Variants in EFCAB13 observed in about 807,000 individuals in gnomAD.
EFCAB13 encodes the protein EF-hand calcium-binding domain-containing protein 13.
EFCAB13 carries 91 observed loss-of-function variants against 110.2 expected under a neutral mutation model. That is an observed-to-expected ratio of 0.83 (90% CI 0.70 to 0.98). EFCAB13 has a LOEUF of 0.98. EFCAB13 is among the 50% of genes least tolerant of loss of function. The pLI is 0.00. For missense variants in EFCAB13, 968 were observed against 1,119.4 expected, an observed-to-expected ratio of 0.86 and a Z score of 1.93; for synonymous variants, 323 against 369.9, an observed-to-expected ratio of 0.87 and a Z score of 1.45.
intron 9 of EFCAB13, among the ~76,000 whole-genome samples, chr17:47,356,911 T>C (rs1380189880): frequency 6.6e-6 from 1 of 152,188 alleles, no homozygotes; most frequent in Non-Finnish European, 1.5e-5. Flanking sequence ...CTGCAGCTGC[T>C]GTCGGGGTGA....
intron 20 of EFCAB13, among the ~76,000 whole-genome samples, chr17:47,406,157 G>A (rs1448300038): frequency 2.0e-5 from 3 of 151,962 alleles, no homozygotes; most frequent in East Asian, 1.9e-4. Flanking sequence ...CTGTCGCCTC[G>A]GCTGGAGTGC....
intron 13 of EFCAB13, among the ~76,000 whole-genome samples, chr17:47,378,304 G>C (rs2292343): frequency 0.088 from 13,351 of 152,172 alleles, 842 homozygotes; most frequent in East Asian, 0.35. Context: ...CAAAATACGG[G>C]GGAATTTAGA....
At chr17:47,369,419 A>T (rs993632928) in intron 10 of EFCAB13, among the ~76,000 whole-genome samples, 1 of 152,198 alleles carries the variant, frequency 6.6e-6, no homozygotes. Context: ...GATGTTCAAC[A>T]TCACTTTACT....
At position 47,329,241 on chromosome 17, in the gene EFCAB13, G is replaced by C. The variant is rs367641208; in HGVS notation, c.30+858G>C. On this transcript the variant is annotated intron_variant, in intron 4 of 24. Transcript: ENST00000331493. Reference sequence around the variant, plus strand: ...GGGGGCATTCCAGAGTCTTACCTAAGTCATATGGGGAGGAGTGGTTTGCAG... The same window carrying C: ...GGGGGCATTCCAGAGTCTTACCTAACTCATATGGGGAGGAGTGGTTTGCAG... 3.1e-4 allele frequency among the ~76,000 whole-genome samples: 47 copies of C among 152,074 alleles called. No homozygotes were observed. In the East Asian group the frequency reaches 7.7e-3, roughly 25 times the overall value.
chr17:47,390,886 T>A (rs2065702673), intron 14 of EFCAB13, among the ~76,000 whole-genome samples: 2 of 150,520 alleles, frequency 1.3e-5, no homozygotes, highest in South Asian at 4.2e-4. Flanking sequence ...TATAGTAGAA[T>A]AATATATATG....
intron 9 of EFCAB13, among the ~76,000 whole-genome samples, chr17:47,348,482 A>G (rs994197503): frequency 6.6e-6 from 1 of 152,064 alleles, no homozygotes; most frequent in African/African-American, 2.4e-5. Flanking sequence ...TGTTTAAAAA[A>G]CTTTAGTAAA....
intron 7 of EFCAB13, 137 bp from the exon 8 acceptor site, chr17:47,344,879 T>C: frequency 1.5e-6 from 1 of 674,314 alleles, no homozygotes; most frequent in South Asian, 1.7e-5. Flanking sequence ...GTGAAGAATA[T>C]GGAATTTTCC....
chr17:47,386,067 G>A (rs537308902), intron 14 of EFCAB13, among the ~76,000 whole-genome samples: 188 of 152,268 alleles, frequency 1.2e-3, no homozygotes, highest in African/African-American at 4.4e-3. Flanking sequence ...TCTGACAATC[G>A]CTGTTGGGAG....
chr17:47,405,025 A>C (rs1567801073), intron 20 of EFCAB13, among the ~76,000 whole-genome samples: 1 of 152,116 alleles, frequency 6.6e-6, no homozygotes, highest in Admixed American at 6.5e-5. Context: ...AGCTTTGGTA[A>C]ATATCCTTTT....
chr17:47,363,126 C>T lies in EFCAB13; in HGVS notation c.805+1605C>T, dbSNP rs117270384. ...TCACTCTGTTGCCCAGGCTGTAGTG[C>T]GGTGTTGTGATCATAGCTTGCTGTA... On this transcript the variant is annotated intron_variant, in intron 10 of 24. Coordinates refer to ENST00000331493, the MANE Select transcript of EFCAB13 (RefSeq NM_152347.5). Among the ~76,000 whole-genome samples the T allele has an allele frequency of 3.0e-3, 458 of 152,238 alleles. 4 individuals carry two copies. Among genetic ancestry groups the T allele is most frequent in the East Asian group, 0.017 (89 of 5,178 alleles).
chr17:47,333,496 C>G (rs376702441), intron 4 of EFCAB13, among the ~76,000 whole-genome samples: 2 of 152,052 alleles, frequency 1.3e-5, no homozygotes, highest in African/African-American at 2.4e-5. Context: ...AGAGTCTTAT[C>G]CAACAAATCA....
rs1904754885 is a variant in EFCAB13, at chr17:47,422,452, T to C, written c.2495-7366T>C. On this transcript the variant is annotated intron_variant, in intron 23 of 24. Coordinates refer to ENST00000331493, the MANE Select transcript of EFCAB13 (RefSeq NM_152347.5). ...AGGGAAGAAATAGAATTTCCATTAC[T>C]CATTGCCAATATAATTAATAGGTAG... Among the ~76,000 whole-genome samples, 3 of 152,300 alleles carry C rather than the reference T, an allele frequency of 2.0e-5. No homozygotes were observed. In the South Asian group the frequency reaches 6.2e-4, roughly 32 times the overall value.
rs555548914 is a variant in EFCAB13, at chr17:47,380,129, G to A, written c.1582+876G>A. ...AAGTTCTGGGATACATGTGCAGAAC[G>A]TGCAGGTTTGTTACATAGGTATACA... is the stretch of plus-strand genomic sequence containing the variant. On this transcript the variant is annotated intron_variant, in intron 14 of 24. Coordinates refer to ENST00000331493, the MANE Select transcript of EFCAB13 (RefSeq NM_152347.5). Among the ~76,000 whole-genome samples, 258 of 152,218 alleles carry A rather than the reference G, an allele frequency of 1.7e-3. 1 individual carries two copies. The highest frequency in any genetic ancestry group is 3.1e-3 in the Non-Finnish European group (214 of 68,006).
intron 9 of EFCAB13, among the ~76,000 whole-genome samples, chr17:47,350,585 T>G (rs78845722): frequency 0.042 from 6,393 of 150,686 alleles, 190 homozygotes; most frequent in Middle Eastern, 0.15. Flanking sequence ...ACGCCTTTGT[T>G]TGTGTGTGTG....
At chr17:47,378,996 T>C (rs3736440) in intron 13 of EFCAB13, among the ~76,000 whole-genome samples, 186 bp from the exon 14 acceptor site, 13,373 of 152,260 alleles carry the variant, frequency 0.088, 848 homozygotes, top group East Asian at 0.35. Flanking sequence ...GGCACTAATA[T>C]GCTCTCAATA....
chr17:47,371,722 T>C (rs2065585937), intron 11 of EFCAB13, among the ~76,000 whole-genome samples: 1 of 152,258 alleles, frequency 6.6e-6, no homozygotes, highest in African/African-American at 2.4e-5. Flanking sequence ...CAAGCGATTC[T>C]CCTGCCTCAG....
intron 10 of EFCAB13, among the ~76,000 whole-genome samples, chr17:47,363,867 T>G (rs966019842): frequency 6.6e-6 from 1 of 152,130 alleles, no homozygotes; most frequent in Non-Finnish European, 1.5e-5. Context: ...TCTTAGGAAG[T>G]CAGGTATGGT....
intron 19 of EFCAB13, 105 bp downstream of exon 19, chr17:47,404,126 A>G (rs2065793109): frequency 1.1e-6 from 1 of 896,126 alleles, no homozygotes; most frequent in African/African-American, 1.7e-5. Flanking sequence ...TAATCTTTGA[A>G]ACGGAGCCTT....
chr17:47,326,514 A>G (rs2065287120), intron 3 of EFCAB13, 127 bp downstream of exon 3: 2 of 152,240 alleles, frequency 1.3e-5, no homozygotes, highest in Non-Finnish European at 2.9e-5. Context: ...TGTATTTGAT[A>G]CTGTGAGAAA....
Sources: allele counts gnomAD v4.1 joint callset (sites outside exome capture counted in the v4.1 genomes callset), GRCh38; gene constraint gnomAD v4.1.1; transcripts MANE v1.5; gene names NCBI Gene and HGNC (gene_info 2026-07-23, HGNC 2026-07-21).